The following CARMIL1 variants were observed in gnomAD, a reference collection of about 807,000 sequenced individuals.
The protein encoded by CARMIL1 is capping protein regulator and myosin 1 linker 1.
CARMIL1 carries 90 observed loss-of-function variants against 177.1 expected under a neutral mutation model. The observed-to-expected ratio is 0.51, with a 90% CI of 0.43 to 0.61. The LOEUF (loss-of-function observed/expected upper bound fraction) is 0.61. Ranked by LOEUF, CARMIL1 falls within the 20% of genes least tolerant of loss-of-function variation. The pLI is 0.00. For synonymous variants in CARMIL1, 577 were observed against 606.2 expected (o/e 0.95, Z 0.71); for missense variants, 1,380 against 1,667.0 (o/e 0.83, Z 3.00).
At chr6:25,521,658 A>G (rs1353750682) in intron 23 of CARMIL1, among the ~76,000 whole-genome samples, 2 of 151,510 alleles carry the variant, frequency 1.3e-5, no homozygotes, top group Non-Finnish European at 2.9e-5. Context: ...AGTCCCAGCT[A>G]CTCGGAAGGC....
At chr6:25,477,786 C>T (rs997618884) in intron 11 of CARMIL1, among the ~76,000 whole-genome samples, 3 of 151,722 alleles carry the variant, frequency 2.0e-5, no homozygotes, top group Admixed American at 6.6e-5. Context: ...AGTTATCTGT[C>T]CCAATTACCT....
At chr6:25,569,852 TACTC>T (rs1811900203) in intron 29 of CARMIL1, among the ~76,000 whole-genome samples, 1 of 152,064 alleles carries the variant, frequency 6.6e-6, no homozygotes, top group Non-Finnish European at 1.5e-5. Flanking sequence ...TCAAGTTTAA[TACTC>T]AGTAGGGTTT....
At chr6:25,561,309 G>A (rs1811090573) in intron 29 of CARMIL1, among the ~76,000 whole-genome samples, 1 of 152,160 alleles carries the variant, frequency 6.6e-6, no homozygotes, top group African/African-American at 2.4e-5. Context: ...TGGGATTTAA[G>A]TAGTATGCCA....
rs1805652544 is a variant in CARMIL1 at position 25,513,518 on chromosome 6, A to G, written c.1633-2157A>G. ...GAAAGCCATGGTATATTTGGATGAT[A>G]AGGACAATAATATGCTTGTTGTCTC... On this transcript the variant is annotated intron_variant, in intron 20 of 36. Coordinates refer to ENST00000329474, the MANE Select transcript of CARMIL1 (RefSeq NM_017640.6). Among the ~76,000 whole-genome samples the G allele has an allele frequency of 2.0e-5, 3 of 152,250 alleles. No homozygotes were observed. In the South Asian group the frequency reaches 6.2e-4, roughly 31 times the overall value.
At chr6:25,512,016 A>G (rs968814291) in intron 20 of CARMIL1, among the ~76,000 whole-genome samples, 5 of 152,170 alleles carry the variant, frequency 3.3e-5, no homozygotes, top group Admixed American at 6.5e-5. Flanking sequence ...TGTTTGCTTT[A>G]CGTATTTAAT....
intron 2 of CARMIL1, among the ~76,000 whole-genome samples, chr6:25,316,043 G>A (rs2150223355): frequency 6.6e-6 from 1 of 152,314 alleles, no homozygotes; most frequent in African/African-American, 2.4e-5. Flanking sequence ...GGTCACAGCT[G>A]AAAGCCTTCA....
intron 9 of CARMIL1, among the ~76,000 whole-genome samples, chr6:25,468,035 C>A (rs532795192): frequency 1.3e-5 from 2 of 152,130 alleles, no homozygotes; most frequent in South Asian, 2.1e-4. Flanking sequence ...AGTGCAAGGG[C>A]AAAAATAAGT....
At chr6:25,343,836 C>T (rs755485674) in intron 2 of CARMIL1, among the ~76,000 whole-genome samples, 3 of 151,998 alleles carry the variant, frequency 2.0e-5, no homozygotes, top group Non-Finnish European at 4.4e-5. Flanking sequence ...CTCAAGTGGC[C>T]ACCCTTTTTC....
intron 2 of CARMIL1, among the ~76,000 whole-genome samples, chr6:25,383,176 A>T (rs1791761427): frequency 6.6e-6 from 1 of 152,152 alleles, no homozygotes; most frequent in Non-Finnish European, 1.5e-5. Flanking sequence ...CAGAAAACAT[A>T]GAAGATTGTT....
chr6:25,589,089 A>G (rs570853844), intron 31 of CARMIL1, among the ~76,000 whole-genome samples: 123 of 152,378 alleles, frequency 8.1e-4, no homozygotes, highest in Non-Finnish European at 1.4e-3. Context: ...TCTTCAAGTC[A>G]TCTTGTTCAG....
Position 25,426,571 on chromosome 6 carries a change from A to T in CARMIL1, c.249+11A>T, listed in dbSNP as rs1315123061. On this transcript the variant is annotated intron_variant, in intron 4 of 36. Coordinates refer to ENST00000329474, the MANE Select transcript of CARMIL1 (RefSeq NM_017640.6). The stretch of plus-strand genomic sequence containing the variant: ...AGCAAGTCAGCTCAGGTGAGTGTGA[A>T]AAATGGATCACTGCAAGATCATGAT... 1 of 1,609,190 alleles carries T rather than the reference A, an allele frequency of 6.2e-7. No individual in the cohort carries two copies. The highest frequency in any genetic ancestry group is 1.3e-5 in the African/African-American group (1 of 74,910).
intron 23 of CARMIL1, among the ~76,000 whole-genome samples, chr6:25,526,846 C>A (rs1807191216): frequency 6.6e-6 from 1 of 152,106 alleles, no homozygotes; most frequent in Admixed American, 6.5e-5. Flanking sequence ...GCCACCACAC[C>A]CAGCCTATTG....
chr6:25,296,925 C>CTT (rs1472179420), intron 2 of CARMIL1, among the ~76,000 whole-genome samples: 5 of 28,110 alleles, frequency 1.8e-4, no homozygotes, highest in African/African-American at 3.1e-4. Flanking sequence ...ATCTATCTAT[C>CTT]TATCTATCTT....
At chr6:25,342,045 T>C (rs1787001460) in intron 2 of CARMIL1, among the ~76,000 whole-genome samples, 1 of 152,208 alleles carries the variant, frequency 6.6e-6, no homozygotes, top group South Asian at 2.1e-4. Context: ...GGCTAGTTGT[T>C]GAAAGCTGCA....
chr6:25,364,580 T>TTTTTTTTTTTTTTA (rs1789571937), intron 2 of CARMIL1, among the ~76,000 whole-genome samples: 4 of 152,126 alleles, frequency 2.6e-5, no homozygotes, highest in Non-Finnish European at 5.9e-5. Context: ...TTCTTTTTTT[T>TTTTTTTTTTTTTTA]GAGACAGAGT....
chr6:25,341,683 TCCAGC>T (rs1307080280), intron 2 of CARMIL1, among the ~76,000 whole-genome samples: 1 of 152,214 alleles, frequency 6.6e-6, no homozygotes. Context: ...GTGCCGCTGC[TCCAGC>T]CTGGGCAATA....
chr6:25,307,603 G>C (rs1032780402), intron 2 of CARMIL1, among the ~76,000 whole-genome samples: 1 of 152,182 alleles, frequency 6.6e-6, no homozygotes, highest in African/African-American at 2.4e-5. Context: ...AATTTCTCTT[G>C]GTTATGGAAT....
chr6:25,282,430 A>G (rs1330909667), intron 1 of CARMIL1, among the ~76,000 whole-genome samples: 2 of 151,650 alleles, frequency 1.3e-5, no homozygotes, highest in Non-Finnish European at 2.9e-5. Context: ...CAAACATTCC[A>G]CCTCCTTGCT....
chr6:25,502,267 A>C (rs1804457781), intron 17 of CARMIL1, among the ~76,000 whole-genome samples: 1 of 151,664 alleles, frequency 6.6e-6, no homozygotes, highest in South Asian at 2.1e-4. Context: ...AAAAAAACAA[A>C]AAAAAAACAC....
Sources: gnomAD v4.1 joint callset for allele counts (sites outside exome capture counted in the v4.1 genomes callset) on GRCh38, gnomAD v4.1.1 for gene constraint, MANE v1.5 for transcripts, NCBI Gene and HGNC (gene_info 2026-07-23, HGNC 2026-07-21) for gene names.